ABL1: variants seen among roughly 807,000 people sequenced by gnomAD.
The protein encoded by ABL1 is ABL proto-oncogene 1, non-receptor tyrosine kinase, also known as tyrosine-protein kinase ABL1.
In ABL1, 11 loss-of-function variants were observed where a neutral mutation model predicts 94.7. The observed-to-expected ratio is 0.12, with a 90% CI of 0.07 to 0.19. The LOEUF (loss-of-function observed/expected upper bound fraction) is 0.19, where lower values mean the gene tolerates loss of function less well. Among genes scored for constraint, ABL1 ranks in the 10% least tolerant of loss-of-function variants. The pLI is 1.00. For missense variants in ABL1, 1,082 were observed against 1,489.4 expected, an observed-to-expected ratio of 0.73 and a Z score of 4.50; for synonymous variants, 656 against 622.4, an observed-to-expected ratio of 1.05 and a Z score of -0.80.
intron 1 of ABL1, among the ~76,000 whole-genome samples, chr9:130,788,306 A>G (rs995421121): frequency 6.6e-6 from 1 of 152,342 alleles, no homozygotes; most frequent in Middle Eastern, 3.4e-3. Context: ...ACGTATTGCT[A>G]CATTACATTT....
chr9:130,831,064 C>T (rs1182328150), upstream of ABL1, among the ~76,000 whole-genome samples: 1 of 152,214 alleles, frequency 6.6e-6, no homozygotes, highest in Non-Finnish European at 1.5e-5. Flanking sequence ...AGCTAGAGTA[C>T]CTGGCAGGCT....
At chr9:130,777,191 C>G (rs1829674370) in intron 1 of ABL1, among the ~76,000 whole-genome samples, 1 of 152,162 alleles carries the variant, frequency 6.6e-6, no homozygotes, top group African/African-American at 2.4e-5. Context: ...ATCTGTTCAT[C>G]TTGGTCTTTT....
At chr9:130,738,203 A>G (rs1274300626) in intron 1 of ABL1, among the ~76,000 whole-genome samples, 1 of 152,204 alleles carries the variant, frequency 6.6e-6, no homozygotes, top group Non-Finnish European at 1.5e-5. Context: ...TGTAGTCTCA[A>G]TGCAAAGATA....
chr9:130,806,168 C>T lies in ABL1; in HGVS notation c.137-47896C>T, dbSNP rs914229425. On this transcript the variant is annotated intron_variant, in intron 1 of 10. Transcript: ENST00000372348. The stretch of plus-strand genomic sequence containing the variant: ...GACCAGATGCCACCAGGTAGAATCC[C>T]AGCAAACTCTTCAATGGTAGATATC... 1.6e-4 allele frequency among the ~76,000 whole-genome samples: 25 copies of T among 152,142 alleles called. 1 individual carries two copies. Among genetic ancestry groups the T allele is most frequent in the Non-Finnish European group, 2.9e-5 (2 of 68,002 alleles).
intron 1 of ABL1, among the ~76,000 whole-genome samples, chr9:130,763,509 C>T (rs545828860): frequency 2.0e-5 from 3 of 152,112 alleles, no homozygotes; most frequent in African/African-American, 7.2e-5. Context: ...AGCTTGTGGT[C>T]TCTCATGAGA....
At chr9:130,786,065 C>T (rs1829821577) in intron 1 of ABL1, among the ~76,000 whole-genome samples, 1 of 151,702 alleles carries the variant, frequency 6.6e-6, no homozygotes, top group Admixed American at 6.6e-5. Flanking sequence ...AAGAGGGGAG[C>T]ATGCCACGCC....
intron 1 of ABL1, among the ~76,000 whole-genome samples, chr9:130,800,335 A>C (rs2132828033): frequency 6.6e-6 from 1 of 152,190 alleles, no homozygotes; most frequent in African/African-American, 2.4e-5. Context: ...TGTAACCTCA[A>C]ACACAGCCAA....
intron 1 of ABL1, among the ~76,000 whole-genome samples, chr9:130,736,342 T>G (rs535991551): frequency 6.6e-6 from 1 of 152,312 alleles, no homozygotes; most frequent in Admixed American, 6.5e-5. Flanking sequence ...CCATCGCTGG[T>G]AATACAGAGG....
In ABL1 at chr9:130,887,410, AT is replaced by A. The variant is rs1332631450; in HGVS notation, c.*1728del. ...CCAGGTCCCCCGACTGCCTGTCTCC[AT>A]GAGGTACTGGTCCCTTCCTTTTGTT... On this transcript the variant is annotated 3_prime_UTR_variant, in exon 11 of 11. Transcript: ENST00000318560. The A allele has an allele frequency of 8.6e-6, 2 of 233,290 alleles. No homozygotes were observed. Among genetic ancestry groups the A allele is most frequent in the South Asian group, 1.8e-4 (1 of 5,522 alleles). The allele number at this position is 233,290 out of a possible 1,614,324, so 14.5% of individuals were successfully genotyped here.
At chr9:130,743,908 A>C (rs1166485818) in intron 1 of ABL1, among the ~76,000 whole-genome samples, 9 of 152,092 alleles carry the variant, frequency 5.9e-5, no homozygotes, top group African/African-American at 2.2e-4. Context: ...ATCAAGAGGC[A>C]TGGTGTTAGG....
At chr9:130,714,743 G>A (rs1267234186) in intron 1 of ABL1, among the ~76,000 whole-genome samples, 1 of 152,180 alleles carries the variant, frequency 6.6e-6, no homozygotes, top group African/African-American at 2.4e-5. Flanking sequence ...TTAGTTTCCT[G>A]AGGGGCTGGA....
intron 1 of ABL1, among the ~76,000 whole-genome samples, chr9:130,820,694 C>T (rs1011010571): frequency 2.0e-5 from 3 of 152,208 alleles, no homozygotes; most frequent in Non-Finnish European, 4.4e-5. Context: ...TCTGTGTTTG[C>T]AGCTTGGAAC....
chr9:130,847,221 T>G (rs776385797), intron 1 of ABL1, among the ~76,000 whole-genome samples: 5 of 152,206 alleles, frequency 3.3e-5, no homozygotes, highest in Non-Finnish European at 5.9e-5. Context: ...ATCCAGATCT[T>G]AAATCTGTTT....
chr9:130,750,192 CATATATATATATATAT>C (rs56263750), intron 1 of ABL1, among the ~76,000 whole-genome samples: 8,925 of 106,396 alleles, frequency 0.084, 606 homozygotes, highest in Non-Finnish European at 0.13. Context: ...AAAAAAAATA[CATATATATATATATAT>C]ATATATATAT....
intron 1 of ABL1, among the ~76,000 whole-genome samples, chr9:130,769,896 G>A (rs1832231895): frequency 1.3e-5 from 2 of 152,032 alleles, no homozygotes. Flanking sequence ...TTTTGTCCCT[G>A]TAGTTTTGCC....
intron 1 of ABL1, among the ~76,000 whole-genome samples, chr9:130,738,845 G>T (rs570303054): frequency 6.6e-6 from 1 of 152,312 alleles, no homozygotes; most frequent in Non-Finnish European, 1.5e-5. Context: ...GATATAAGGA[G>T]AAAACATTTT....
At chr9:130,833,197 C>T (rs1266806477), upstream of ABL1, among the ~76,000 whole-genome samples, 3 of 152,156 alleles carry the variant, frequency 2.0e-5, no homozygotes, top group African/African-American at 7.2e-5. Context: ...CTAGAATTTC[C>T]AAAATGCCTA....
intron 3 of ABL1, among the ~76,000 whole-genome samples, chr9:130,859,525 G>T (rs73656056): frequency 1.3e-5 from 2 of 151,840 alleles, no homozygotes; most frequent in Non-Finnish European, 2.9e-5. Context: ...AGCAGCTCTC[G>T]GGGGAACTTG....
intron 1 of ABL1, among the ~76,000 whole-genome samples, chr9:130,772,883 G>T (rs955524014): frequency 1.3e-5 from 2 of 152,182 alleles, no homozygotes; most frequent in Admixed American, 1.3e-4. Context: ...GTATGAGGGA[G>T]ACTTTTGCTG....
Sources: allele counts gnomAD v4.1 joint callset (sites outside exome capture counted in the v4.1 genomes callset), GRCh38; gene constraint gnomAD v4.1.1; transcripts MANE v1.5; gene names NCBI Gene and HGNC (gene_info 2026-07-23, HGNC 2026-07-21).